The following PXDNL variants were observed in gnomAD, a reference collection of about 807,000 sequenced individuals.
PXDNL encodes the protein peroxidasin like, also known as probable oxidoreductase PXDNL.
In PXDNL, 145 loss-of-function variants were observed where a neutral mutation model predicts 150.8. The observed-to-expected ratio is 0.96, with a 90% CI of 0.84 to 1.10. PXDNL has a LOEUF of 1.10. Ranked by LOEUF, PXDNL falls within the 50% of genes least tolerant of loss-of-function variation. PXDNL has a pLI of 0.00. For synonymous variants in PXDNL, 757 were observed against 725.7 expected (o/e 1.04, Z -0.69); for missense variants, 2,087 against 1,873.9 (o/e 1.11, Z -2.10).
At chr8:51,546,603 T>G (rs553606741) in intron 4 of PXDNL, among the ~76,000 whole-genome samples, 1 of 152,298 alleles carries the variant, frequency 6.6e-6, no homozygotes, top group Non-Finnish European at 1.5e-5. Context: ...CAACTGAGCA[T>G]GAACTTTCCT....
At chr8:51,550,165 A>G (rs1812449649) in intron 4 of PXDNL, among the ~76,000 whole-genome samples, 2 of 152,134 alleles carry the variant, frequency 1.3e-5, no homozygotes. Flanking sequence ...ACCAATAACA[A>G]GTAGTGAGAT....
In PXDNL at chr8:51,408,912, C is replaced by T. The variant is rs1056636525; in HGVS notation, c.2712G>A (p.Glu904=). ...GGTCTCTGAGAGCCTGGGATTCCCG[C>T]TCCGAGCTCCCGTAAACGTTGGAGC... ...IDGSNVYGSS[E]RESQALRDPS... The change falls in exon 17 of 23, where the codon GAG becomes GAA. Residue 904 remains glutamate (E), a synonymous_variant. Coordinates refer to ENST00000356297, the MANE Select transcript of PXDNL (RefSeq NM_144651.5). 6.2e-7 allele frequency: 1 copy of T among 1,609,984 alleles called. No individual in the cohort carries two copies. Among genetic ancestry groups the T allele is most frequent in the African/African-American group, 1.3e-5 (1 of 75,006 alleles).
intron 19 of PXDNL, among the ~76,000 whole-genome samples, chr8:51,366,912 T>A (rs1806937556): frequency 1.3e-5 from 2 of 151,550 alleles, no homozygotes; most frequent in South Asian, 4.2e-4. Flanking sequence ...ACCATCCTGG[T>A]CAACATGGTG....
chr8:51,551,835 T>G (rs961449735), intron 4 of PXDNL, among the ~76,000 whole-genome samples: 1 of 152,078 alleles, frequency 6.6e-6, no homozygotes, highest in Admixed American at 6.5e-5. Context: ...GGGACTTAAT[T>G]AAACTAAAAA....
intron 4 of PXDNL, among the ~76,000 whole-genome samples, chr8:51,537,412 A>G (rs945574568): frequency 1.3e-5 from 2 of 152,222 alleles, no homozygotes; most frequent in Non-Finnish European, 2.9e-5. Context: ...ATTGGCAGCA[A>G]TTGCTTACAT....
intron 1 of PXDNL, among the ~76,000 whole-genome samples, chr8:51,781,167 T>C (rs538259244): frequency 6.6e-6 from 1 of 152,190 alleles, no homozygotes; most frequent in Non-Finnish European, 1.5e-5. Flanking sequence ...ATTTATATTA[T>C]AGGCATGCAT....
intron 18 of PXDNL, among the ~76,000 whole-genome samples, chr8:51,372,365 T>A (rs1269046771): frequency 6.6e-6 from 1 of 152,188 alleles, no homozygotes; most frequent in Non-Finnish European, 1.5e-5. Flanking sequence ...CATTATTACA[T>A]TTTTAAATTT....
rs150811827 is a variant in PXDNL, at chr8:51,505,290, C to T, written c.381-5520G>A. ...AGAACATGTGGTCAGAGAATGACAA[C>T]AAAAATAATAGAGAGAGAATGATTC... On this transcript the variant is annotated intron_variant, in intron 4 of 22. Transcript: ENST00000356297. 2.6e-5 allele frequency among the ~76,000 whole-genome samples: 4 copies of T among 152,008 alleles called. No individual in the cohort carries two copies. In the East Asian group the frequency reaches 5.8e-4, roughly 22 times the overall value.
chr8:51,461,328 T>C (rs886499109), intron 8 of PXDNL, among the ~76,000 whole-genome samples: 2 of 152,228 alleles, frequency 1.3e-5, no homozygotes, highest in African/African-American at 4.8e-5. Context: ...GGGAAGGGTG[T>C]GACCTTTCTG....
At chr8:51,651,285 T>G (rs1815029668) in intron 2 of PXDNL, among the ~76,000 whole-genome samples, 1 of 152,120 alleles carries the variant, frequency 6.6e-6, no homozygotes, top group Admixed American at 6.6e-5. Flanking sequence ...CATAGATGAG[T>G]GTGGGGAGAC....
chr8:51,606,682 G>T (rs1001438814), intron 2 of PXDNL, among the ~76,000 whole-genome samples: 1 of 151,960 alleles, frequency 6.6e-6, no homozygotes, highest in Non-Finnish European at 1.5e-5. Context: ...AAAAACAACT[G>T]GGTAAAATTG....
chr8:51,448,700 A>AAAACAAAC (rs55820855), intron 11 of PXDNL, among the ~76,000 whole-genome samples: 70,201 of 150,338 alleles, frequency 0.47, 18,245 homozygotes, highest in Admixed American at 0.58. Flanking sequence ...ACTCTGTCTC[A>AAAACAAAC]AAACAAACAA....
rs948010774 is a variant in PXDNL, at chr8:51,752,762, C to G, written c.164+56419G>C. On this transcript the variant is annotated intron_variant, in intron 1 of 22. Transcript: ENST00000356297. ...ATATAAGAAAGCATCAAGTTATACC[C>G]TAGGGAATCTGTTTGGCATTGAAGG... Among the ~76,000 whole-genome samples, 5 of 152,188 alleles carry G rather than the reference C, an allele frequency of 3.3e-5. No individual in the cohort carries two copies. The East Asian group carries it at 9.6e-4, about 29-fold the overall frequency.
chr8:51,512,134 C>T (rs1225857330), intron 4 of PXDNL, among the ~76,000 whole-genome samples: 1 of 152,130 alleles, frequency 6.6e-6, no homozygotes, highest in Non-Finnish European at 1.5e-5. Context: ...TATACACCTA[C>T]TGACATTTTG....
chr8:51,517,606 C>A (rs1811571742), intron 4 of PXDNL, among the ~76,000 whole-genome samples: 1 of 152,202 alleles, frequency 6.6e-6, no homozygotes, highest in South Asian at 2.1e-4. Context: ...ATCATACTAG[C>A]ATTCTATGGC....
rs1812730155 is a variant in PXDNL at position 51,562,044 on chromosome 8, CA to C, written c.309-5134del. On this transcript the variant is annotated intron_variant, in intron 3 of 22. Coordinates refer to ENST00000356297, the MANE Select transcript of PXDNL (RefSeq NM_144651.5). ...TTCTTCATTGTTCTTTTTCATATTT[CA>C]ATATTTTCTAAGATGATTATATATT... Among the ~76,000 whole-genome samples the C allele has an allele frequency of 7.3e-5, 11 of 151,518 alleles. 1 individual carries two copies. Among genetic ancestry groups the C allele is most frequent in the Admixed American group, 7.2e-4 (11 of 15,180 alleles).
At chr8:51,737,312 G>A (rs1817058858) in intron 1 of PXDNL, among the ~76,000 whole-genome samples, 1 of 152,196 alleles carries the variant, frequency 6.6e-6, no homozygotes, top group African/African-American at 2.4e-5. Context: ...ATTGCATTTT[G>A]TTTTGTTCTG....
intron 17 of PXDNL, among the ~76,000 whole-genome samples, chr8:51,391,050 CCATGTCCTTACAAAGGA>C (rs1399665512): frequency 6.6e-6 from 1 of 152,130 alleles, no homozygotes; most frequent in Non-Finnish European, 1.5e-5. Flanking sequence ...CCAATTTCAT[CCATGTCCTTACAAAGGA>C]CATGAACTCA....
intron 1 of PXDNL, among the ~76,000 whole-genome samples, chr8:51,771,151 A>G (rs2129242345): frequency 6.6e-6 from 1 of 152,342 alleles, no homozygotes; most frequent in African/African-American, 2.4e-5. Flanking sequence ...CAAAATAAAA[A>G]TATGTCCAGC....
Sources: allele counts gnomAD v4.1 joint callset (sites outside exome capture counted in the v4.1 genomes callset), GRCh38; gene constraint gnomAD v4.1.1; transcripts MANE v1.5; gene names NCBI Gene and HGNC (gene_info 2026-07-23, HGNC 2026-07-21).